Variants in RB1 observed in about 807,000 individuals in gnomAD.
RB1 encodes the protein retinoblastoma-associated protein.
Under a neutral mutation model 135.4 loss-of-function variants are expected in RB1, and 18 were observed. The observed-to-expected ratio is 0.13, with a 90% CI of 0.09 to 0.20. RB1 has a LOEUF of 0.20. Ranked by LOEUF, RB1 falls within the 10% of genes least tolerant of loss-of-function variation. RB1 has a pLI of 1.00. For missense variants in RB1, 868 were observed against 1,110.0 expected (o/e 0.78, Z 3.10); for synonymous variants, 365 against 373.2 (o/e 0.98, Z 0.25).
intron 20 of RB1, 94 bp downstream of exon 20, chr13:48,459,927 T>TTC (rs1230583338): frequency 2.0e-6 from 1 of 494,886 alleles, no homozygotes; most frequent in Non-Finnish European, 3.4e-6. Context: ...CTTTCTTTCT[T>TTC]TCTTTCTTTC....
At position 48,342,628 on chromosome 13, in the gene RB1, G is replaced by A. The variant is rs2138083659; in HGVS notation, c.294G>A (p.Leu98=). The A allele has an allele frequency of 6.2e-7, 1 of 1,611,798 alleles. No individual in the cohort carries two copies. The highest frequency in any genetic ancestry group is 8.5e-7 in the Non-Finnish European group (1 of 1,178,144). ...GTTATATTCAAAAGAAAAAGGAACT[G>A]TGGGGAATCTGTATCTTTATTGCAG... ...LGGYIQKKKE[L]WGICIFIAAV... Residue 98 remains leucine, a synonymous_variant, in exon 3 of 27, where the codon CTG becomes CTA. Coordinates refer to ENST00000267163, the MANE Select transcript of RB1 (RefSeq NM_000321.3).
At chr13:48,343,335 A>G (rs553257384) in intron 3 of RB1, among the ~76,000 whole-genome samples, 2 of 152,296 alleles carry the variant, frequency 1.3e-5, no homozygotes, top group African/African-American at 4.8e-5. Flanking sequence ...CAAAAATGCA[A>G]CAGTATGTAT....
chr13:48,442,523 C>T (rs1296419117), intron 17 of RB1, among the ~76,000 whole-genome samples: 1 of 152,022 alleles, frequency 6.6e-6, no homozygotes, highest in African/African-American at 2.4e-5. Flanking sequence ...GGTAACTTTC[C>T]TACTGTACTT....
At chr13:48,369,874 G>A (rs1259148238) in intron 11 of RB1, among the ~76,000 whole-genome samples, 1 of 152,006 alleles carries the variant, frequency 6.6e-6, no homozygotes. Flanking sequence ...AGATTCATTT[G>A]TGTTTGCTTG....
At chr13:48,432,275 G>T (rs894714392) in intron 17 of RB1, among the ~76,000 whole-genome samples, 11 of 152,066 alleles carry the variant, frequency 7.2e-5, no homozygotes, top group Admixed American at 7.2e-4. Flanking sequence ...TCACCTCCCA[G>T]AAATTCACTC....
intron 1 of RB1, among the ~76,000 whole-genome samples, chr13:48,304,498 C>T (rs1952061084): frequency 6.6e-6 from 1 of 152,136 alleles, no homozygotes. Flanking sequence ...GTATTTTCTT[C>T]CGGGCGTGCA....
chr13:48,445,622 G>C (rs1949280836), intron 17 of RB1, among the ~76,000 whole-genome samples: 1 of 152,050 alleles, frequency 6.6e-6, no homozygotes, highest in Non-Finnish European at 1.5e-5. Flanking sequence ...TCCCAGATCA[G>C]CCTTCCTTGA....
chr13:48,358,969 C>T (rs1167981866), intron 6 of RB1, among the ~76,000 whole-genome samples: 2 of 152,028 alleles, frequency 1.3e-5, no homozygotes, highest in East Asian at 3.8e-4. Context: ...TTGCACCATA[C>T]CATTGTATCT....
At position 48,345,163 on chromosome 13, in the gene RB1, A is replaced by G. The variant is rs766849295; in HGVS notation, c.464A>G (p.Tyr155Cys). The G allele has an allele frequency of 1.9e-6, 3 of 1,612,758 alleles. No individual in the cohort carries two copies. Among genetic ancestry groups the G allele is most frequent in the Non-Finnish European group, 1.7e-6 (2 of 1,179,570 alleles). The change falls in exon 4 of 27, where the codon TAT becomes TGT. Residue 155 changes from tyrosine (Y) to cysteine (C), a missense_variant. By Grantham distance (194) the Tyr-to-Cys change is radical (BLOSUM62 -2). Around this residue, in one of 3 missense-constraint regions of RB1, gnomAD observed 641 missense variants for 791.3 expected, o/e 0.81. Coordinates refer to ENST00000267163, the MANE Select transcript of RB1 (RefSeq NM_000321.3). ...GCTATGTCAAGACTGTTGAAGAAGT[A>G]TGATGTATTGTTTGCACTCTTCAGC... Reference protein sequence around the residue: ...DNAMSRLLKKYDVLFALFSKL... With the variant: ...DNAMSRLLKKCDVLFALFSKL...
chr13:48,404,484 G>C (rs1444365153), intron 17 of RB1, among the ~76,000 whole-genome samples: 2 of 151,528 alleles, frequency 1.3e-5, no homozygotes, highest in Admixed American at 6.6e-5. Flanking sequence ...GGGGGCTTCA[G>C]ATGGAAAGGG....
intron 17 of RB1, among the ~76,000 whole-genome samples, chr13:48,432,699 C>T (rs2138282013): frequency 6.6e-6 from 1 of 152,244 alleles, no homozygotes; most frequent in South Asian, 2.1e-4. Context: ...AACTGTCTTC[C>T]TTGACTTCTG....
chr13:48,337,372 G>T (rs906894929), intron 2 of RB1, among the ~76,000 whole-genome samples: 5 of 152,166 alleles, frequency 3.3e-5, no homozygotes, highest in African/African-American at 1.2e-4. Flanking sequence ...CCTGTATTGG[G>T]TGCATATATA....
chr13:48,471,346 T>A (rs1949467517), intron 23 of RB1, among the ~76,000 whole-genome samples: 2 of 63,736 alleles, frequency 3.1e-5, no homozygotes, highest in East Asian at 4.7e-4. Context: ...CACTCATAGG[T>A]GGGAATTGAA....
intron 17 of RB1, among the ~76,000 whole-genome samples, chr13:48,381,908 A>G (rs1948539476): frequency 2.0e-4 from 1 of 5,102 alleles, no homozygotes; most frequent in South Asian, 0.083. Flanking sequence ...ACGTGTTCTC[A>G]TTGTTCATTT....
Position 48,368,621 on chromosome 13 carries a change from TTTTAA to T in RB1, c.1127+20_1127+24del. Reference sequence around the variant, plus strand: ...TCCAGTTAGGTATGAATTTTCCTACTTTTAATTATATTATAATTTTGTTATTCATG... The same window carrying T: ...TCCAGTTAGGTATGAATTTTCCTACTTTATATTATAATTTTGTTATTCATG... On this transcript the variant is annotated intron_variant, in intron 11 of 26. Coordinates refer to ENST00000267163, the MANE Select transcript of RB1 (RefSeq NM_000321.3). 6.2e-7 allele frequency: 1 copy of T among 1,609,372 alleles called. No individual in the cohort carries two copies. The highest frequency in any genetic ancestry group is 1.1e-5 in the South Asian group (1 of 90,270).
chr13:48,331,000 A>G (rs568046419), intron 2 of RB1, among the ~76,000 whole-genome samples: 1 of 152,208 alleles, frequency 6.6e-6, no homozygotes, highest in African/African-American at 2.4e-5. Context: ...CAAATCTATA[A>G]ATATACCACT....
At chr13:48,317,689 T>C in intron 2 of RB1, 1 of 545,520 alleles carries the variant, frequency 1.8e-6, no homozygotes, top group Non-Finnish European at 2.8e-6. Flanking sequence ...CGGTGCCGGA[T>C]CCCCTTGGGC....
chr13:48,324,869 T>C (rs935266820), intron 2 of RB1, among the ~76,000 whole-genome samples: 2 of 151,888 alleles, frequency 1.3e-5, no homozygotes, highest in Non-Finnish European at 2.9e-5. Context: ...TTTGTTTTTG[T>C]TTTTGTTTTT....
chr13:48,333,956 T>G (rs1250091062), intron 2 of RB1, among the ~76,000 whole-genome samples: 6 of 152,152 alleles, frequency 3.9e-5, no homozygotes, highest in Non-Finnish European at 1.5e-5. Context: ...AGTTAAGAGC[T>G]GACAGGTTTA....
Sources: allele counts gnomAD v4.1 joint callset (sites outside exome capture counted in the v4.1 genomes callset), GRCh38; gene constraint gnomAD v4.1.1; regional missense constraint gnomAD v4.1.1; transcripts MANE v1.5; gene names NCBI Gene and HGNC (gene_info 2026-07-23, HGNC 2026-07-21).